Variants in TNNI3K observed in about 807,000 individuals in gnomAD.
The protein encoded by TNNI3K is TNNI3 interacting kinase, also known as serine/threonine-protein kinase TNNI3K.
A neutral mutation model predicts 114.5 loss-of-function variants in TNNI3K; 140 were observed. The observed-to-expected ratio is 1.22, with a 90% CI of 1.07 to 1.41. The LOEUF is 1.41. TNNI3K is among the 40% of genes most tolerant of loss of function. The probability of loss-of-function intolerance (pLI) is 0.00; values close to 1 mark genes in which losing one functional copy is unlikely to be tolerated. For missense variants in TNNI3K, 1,125 were observed against 1,007.6 expected (o/e 1.12, Z -1.58); for synonymous variants, 347 against 347.5 (o/e 1.00, Z 0.02).
At chr1:74,251,635 G>T (rs1290356177) in intron 4 of TNNI3K, among the ~76,000 whole-genome samples, 1 of 152,072 alleles carries the variant, frequency 6.6e-6, no homozygotes, top group Non-Finnish European at 1.5e-5. Flanking sequence ...ATTTTCAAGC[G>T]AGTCTGTGAC....
chr1:74,511,645 T>C (rs560002489), intron 23 of TNNI3K, among the ~76,000 whole-genome samples: 120 of 152,194 alleles, frequency 7.9e-4, no homozygotes, highest in African/African-American at 2.5e-3. Context: ...TAGAGATCTC[T>C]TCAGTCCTGG....
intron 21 of TNNI3K, among the ~76,000 whole-genome samples, chr1:74,478,721 A>G (rs1474021433): frequency 1.3e-5 from 2 of 152,168 alleles, no homozygotes; most frequent in Non-Finnish European, 2.9e-5. Flanking sequence ...TTCTAAACCT[A>G]TGTGAACCCC....
intron 17 of TNNI3K, chr1:74,376,799 G>A (rs1166992396): frequency 6.6e-6 from 1 of 150,588 alleles, no homozygotes; most frequent in Non-Finnish European, 1.5e-5. Flanking sequence ...CTTTCCTGAA[G>A]AATCATTTGG....
chr1:74,353,422 A>G, intron 10 of TNNI3K, 62 bp downstream of exon 10: 4 of 1,576,094 alleles, frequency 2.5e-6, no homozygotes, highest in Non-Finnish European at 2.6e-6. Flanking sequence ...GAATAATGGT[A>G]TGCAAAGGGA....
At chr1:74,306,599 T>A (rs1658655030) in intron 5 of TNNI3K, among the ~76,000 whole-genome samples, 1 of 152,210 alleles carries the variant, frequency 6.6e-6, no homozygotes, top group Non-Finnish European at 1.5e-5. Context: ...CATCTCATGG[T>A]GGCTTTAATT....
At chr1:74,256,500 C>CT (rs1655319914) in intron 4 of TNNI3K, among the ~76,000 whole-genome samples, 1 of 151,654 alleles carries the variant, frequency 6.6e-6, no homozygotes, top group Non-Finnish European at 1.5e-5. Context: ...TGTGAGGGAA[C>CT]TTTATCTATT....
intron 20 of TNNI3K, among the ~76,000 whole-genome samples, chr1:74,453,380 G>A (rs1667104944): frequency 6.6e-6 from 1 of 152,126 alleles, no homozygotes; most frequent in African/African-American, 2.4e-5. Flanking sequence ...TCAGTGGTTA[G>A]GCCATCTAGC....
rs540584566 is a variant in TNNI3K, at chr1:74,464,534, G to A, written c.2121+984G>A. 39 of 1,429,682 alleles carry A rather than the reference G, an allele frequency of 2.7e-5. No individual in the cohort carries two copies. In the East Asian group the frequency reaches 5.3e-4, roughly 19 times the overall value. The allele number at this position is 1,429,682 out of a possible 1,614,324, so 88.6% of individuals were successfully genotyped here. A position where few individuals can be genotyped will look rare whatever the true frequency, so the allele number is the denominator to read the frequency against. On this transcript the variant is annotated intron_variant, in intron 21 of 24. Coordinates refer to ENST00000326637, the MANE Select transcript of TNNI3K (RefSeq NM_015978.3). The stretch of plus-strand genomic sequence containing the variant: ...TAGCTCTTCAACAAGAGAATAAAGT[G>A]AGGCTATTATTTCAGGAAATATCTC...
chr1:74,502,986 T>A (rs1286389458), intron 23 of TNNI3K, among the ~76,000 whole-genome samples: 1 of 152,250 alleles, frequency 6.6e-6, no homozygotes, highest in Admixed American at 6.5e-5. Flanking sequence ...GTGACACTTG[T>A]GGACTAGCTT....
chr1:74,499,962 C>G (rs927887274), intron 23 of TNNI3K, among the ~76,000 whole-genome samples: 1 of 151,690 alleles, frequency 6.6e-6, no homozygotes, highest in Non-Finnish European at 1.5e-5. Flanking sequence ...TTTTTCTCAC[C>G]CTATCTTTCT....
At chr1:74,284,218 A>G (rs1220008787) in intron 5 of TNNI3K, among the ~76,000 whole-genome samples, 1 of 152,240 alleles carries the variant, frequency 6.6e-6, no homozygotes, top group Non-Finnish European at 1.5e-5. Flanking sequence ...GTGTTTAGAC[A>G]GTGGCCTTTG....
intron 21 of TNNI3K, among the ~76,000 whole-genome samples, chr1:74,476,891 T>C (rs1294337893): frequency 6.6e-6 from 1 of 152,186 alleles, no homozygotes; most frequent in Non-Finnish European, 1.5e-5. Flanking sequence ...CTTTTTTTTC[T>C]GTTAAAGATG....
chr1:74,540,897 G>C (rs114697202), intron 24 of TNNI3K, among the ~76,000 whole-genome samples: 2 of 152,156 alleles, frequency 1.3e-5, no homozygotes, highest in Admixed American at 6.5e-5. Context: ...AATTAATAAA[G>C]CTCTTTGAAA....
chr1:74,394,251 A>G (rs181853620), intron 17 of TNNI3K, among the ~76,000 whole-genome samples: 2 of 152,352 alleles, frequency 1.3e-5, no homozygotes, highest in African/African-American at 4.8e-5. Context: ...CAGTGGTTAG[A>G]AAGCTTTTAG....
intron 4 of TNNI3K, among the ~76,000 whole-genome samples, chr1:74,257,485 A>T (rs1655388098): frequency 1.3e-5 from 2 of 151,994 alleles, no homozygotes; most frequent in African/African-American, 4.8e-5. Context: ...GTGTTATAGG[A>T]AATCTTTATC....
intron 20 of TNNI3K, among the ~76,000 whole-genome samples, chr1:74,448,169 A>G (rs1666790466): frequency 1.8e-5 from 2 of 108,954 alleles, no homozygotes; most frequent in Non-Finnish European, 3.6e-5. Flanking sequence ...TAGATGACAC[A>G]TTAGTGGGTG....
intron 21 of TNNI3K, among the ~76,000 whole-genome samples, chr1:74,465,314 G>C (rs985495580): frequency 6.6e-6 from 1 of 152,224 alleles, no homozygotes; most frequent in African/African-American, 2.4e-5. Context: ...TGGCGCTCGG[G>C]TGCCAGCATG....
intron 2 of TNNI3K, 127 bp downstream of exon 2, chr1:74,236,337 G>A (rs1192573405): frequency 1.1e-5 from 8 of 702,318 alleles, no homozygotes; most frequent in Non-Finnish European, 1.8e-5. Flanking sequence ...CTAAGCCTTA[G>A]GATGTCAGAT....
chr1:74,298,728 G>T (rs1338800825), intron 5 of TNNI3K, among the ~76,000 whole-genome samples: 2 of 151,978 alleles, frequency 1.3e-5, no homozygotes, highest in African/African-American at 4.8e-5. Context: ...CCTTATGCGG[G>T]AGTTGCATCA....
Sources: gnomAD v4.1 joint callset for allele counts (sites outside exome capture counted in the v4.1 genomes callset) on GRCh38, gnomAD v4.1.1 for gene constraint, MANE v1.5 for transcripts, NCBI Gene and HGNC (gene_info 2026-07-23, HGNC 2026-07-21) for gene names.